Variants in CNTNAP2 observed in about 807,000 individuals in gnomAD.
The protein encoded by CNTNAP2 is contactin-associated protein-like 2.
Under a neutral mutation model 155.2 loss-of-function variants are expected in CNTNAP2, and 98 were observed. The observed-to-expected ratio is 0.63, with a 90% CI of 0.54 to 0.75. CNTNAP2 has a LOEUF of 0.75. Among genes scored for constraint, CNTNAP2 ranks in the 30% least tolerant of loss-of-function variants. The pLI, the probability that CNTNAP2 is intolerant of heterozygous loss-of-function variation, is 0.00. For missense variants in CNTNAP2, 1,727 were observed against 1,688.1 expected, an observed-to-expected ratio of 1.02 and a Z score of -0.40; for synonymous variants, 651 against 631.2, an observed-to-expected ratio of 1.03 and a Z score of -0.47.
intron 1 of CNTNAP2, among the ~76,000 whole-genome samples, chr7:146,174,306 TG>T (rs1798438778): frequency 6.6e-6 from 1 of 152,048 alleles, no homozygotes; most frequent in Non-Finnish European, 1.5e-5. Flanking sequence ...TCCACATTTT[TG>T]GGCTTAGTAA....
rs114062310 is a variant in CNTNAP2 at position 146,190,549 on chromosome 7, T to C, written c.97+73576T>C. Among the ~76,000 whole-genome samples the C allele has an allele frequency of 5.2e-3, 795 of 152,256 alleles. 6 individuals carry two copies. The highest frequency in any genetic ancestry group is 0.018 in the African/African-American group (752 of 41,548). Reference sequence around the variant, plus strand: ...CACATCCCTGTGGTACCAAAACCCTTTGGCAGGAGATATCATGGCTTCAAA... The same window carrying C: ...CACATCCCTGTGGTACCAAAACCCTCTGGCAGGAGATATCATGGCTTCAAA... On this transcript the variant is annotated intron_variant, in intron 1 of 23. Transcript: ENST00000361727.
chr7:146,528,289 G>A (rs1421125644), intron 1 of CNTNAP2, among the ~76,000 whole-genome samples: 1 of 152,144 alleles, frequency 6.6e-6, no homozygotes, highest in Non-Finnish European at 1.5e-5. Flanking sequence ...GAGCTCTGGA[G>A]GAAGCCTGTT....
intron 1 of CNTNAP2, among the ~76,000 whole-genome samples, chr7:146,437,906 C>A (rs1796266373): frequency 6.6e-6 from 1 of 150,984 alleles, no homozygotes; most frequent in African/African-American, 2.5e-5. Context: ...TGTTTTTGTC[C>A]CCTTTCTTAC....
chr7:146,767,160 T>A (rs1442304387), intron 1 of CNTNAP2, among the ~76,000 whole-genome samples: 1 of 152,166 alleles, frequency 6.6e-6, no homozygotes, highest in Admixed American at 6.6e-5. Context: ...GTAGACTCTA[T>A]GAGAAAATAA....
intron 10 of CNTNAP2, 96 bp downstream of exon 10, chr7:147,395,876 G>T: frequency 7.2e-7 from 1 of 1,387,520 alleles, no homozygotes. Context: ...GAAAATTAAA[G>T]TTAAAAACAG....
intron 20 of CNTNAP2, among the ~76,000 whole-genome samples, chr7:148,242,608 G>A (rs893988524): frequency 3.3e-5 from 5 of 152,218 alleles, no homozygotes; most frequent in African/African-American, 1.2e-4. Flanking sequence ...CCGCGATGGC[G>A]GTAGGACTTG....
At chr7:147,638,085 A>G (rs565019897) in intron 12 of CNTNAP2, among the ~76,000 whole-genome samples, 44 of 152,346 alleles carry the variant, frequency 2.9e-4, no homozygotes, top group African/African-American at 1.0e-3. Flanking sequence ...AATAAAATTA[A>G]GGATTTAAAT....
chr7:148,406,109 G>A (rs1466048643), intron 22 of CNTNAP2, among the ~76,000 whole-genome samples: 2 of 151,800 alleles, frequency 1.3e-5, no homozygotes, highest in Non-Finnish European at 2.9e-5. Flanking sequence ...GCGGGCGCCT[G>A]TAGTCCCAGC....
intron 1 of CNTNAP2, among the ~76,000 whole-genome samples, chr7:146,374,181 A>T (rs1244031033): frequency 6.6e-6 from 1 of 151,874 alleles, no homozygotes; most frequent in African/African-American, 2.4e-5. Context: ...TGTATATGTG[A>T]TTATGAAAAA....
chr7:146,832,288 G>T (rs868268362), intron 2 of CNTNAP2, among the ~76,000 whole-genome samples: 21 of 151,938 alleles, frequency 1.4e-4, no homozygotes, highest in African/African-American at 3.6e-4. Context: ...AAAATTCATG[G>T]TGTCATGTCT....
In CNTNAP2 at chr7:146,416,650, C is replaced by T. The variant is rs2129112393; in HGVS notation, c.97+299677C>T. 1.3e-5 allele frequency among the ~76,000 whole-genome samples: 2 copies of T among 152,228 alleles called. 1 individual carries two copies. The highest frequency in any genetic ancestry group is 4.1e-4 in the South Asian group (2 of 4,828). Reference sequence around the variant, plus strand: ...ACCCTTCCATTTAAAGCCATAAAATCATACAGAGGCAAAAGGACTTCTTGG... The same window carrying T: ...ACCCTTCCATTTAAAGCCATAAAATTATACAGAGGCAAAAGGACTTCTTGG... On this transcript the variant is annotated intron_variant, in intron 1 of 23. Coordinates refer to ENST00000361727, the MANE Select transcript of CNTNAP2 (RefSeq NM_014141.6).
intron 1 of CNTNAP2, among the ~76,000 whole-genome samples, chr7:146,669,762 G>A (rs962706214): frequency 5.7e-4 from 86 of 152,210 alleles, no homozygotes; most frequent in African/African-American, 2.0e-3. Context: ...AGAGGTTAAG[G>A]AAATTTGATG....
chr7:146,553,736 A>C (rs1352345020), intron 1 of CNTNAP2, among the ~76,000 whole-genome samples: 1 of 152,126 alleles, frequency 6.6e-6, no homozygotes, highest in African/African-American at 2.4e-5. Context: ...CATAGTGAAC[A>C]TTTCAATGGA....
intron 17 of CNTNAP2, among the ~76,000 whole-genome samples, chr7:148,155,176 C>T (rs1268675507): frequency 6.6e-6 from 1 of 152,140 alleles, no homozygotes; most frequent in Non-Finnish European, 1.5e-5. Context: ...AGTTGACTTA[C>T]CGAAGGTCGT....
chr7:147,415,022 A>G (rs1797169683), intron 10 of CNTNAP2, among the ~76,000 whole-genome samples: 1 of 151,994 alleles, frequency 6.6e-6, no homozygotes, highest in Non-Finnish European at 1.5e-5. Context: ...CAGAACCCAA[A>G]GAGGGCAAGA....
intron 12 of CNTNAP2, among the ~76,000 whole-genome samples, chr7:147,575,373 TG>T (rs1563004526): frequency 2.2e-5 from 1 of 45,710 alleles, no homozygotes; most frequent in Non-Finnish European, 4.1e-5. Context: ...GCTTTAGGGG[TG>T]TGTGTGTGTG....
chr7:147,950,738 C>G (rs930721626), intron 14 of CNTNAP2, among the ~76,000 whole-genome samples: 1 of 152,162 alleles, frequency 6.6e-6, no homozygotes. Context: ...ATAGCAGATA[C>G]AAGAAGAGCA....
chr7:147,921,911 G>T (rs191463232), intron 14 of CNTNAP2, among the ~76,000 whole-genome samples: 2 of 152,282 alleles, frequency 1.3e-5, no homozygotes, highest in East Asian at 3.9e-4. Context: ...ATTCAATGGT[G>T]AGTAACGCTG....
chr7:147,328,312 C>T (rs1052123520), intron 9 of CNTNAP2, among the ~76,000 whole-genome samples: 1 of 152,166 alleles, frequency 6.6e-6, no homozygotes, highest in African/African-American at 2.4e-5. Flanking sequence ...ATCAGTGATA[C>T]AAATTTTAAC....
Sources: allele counts gnomAD v4.1 joint callset (sites outside exome capture counted in the v4.1 genomes callset), GRCh38; gene constraint gnomAD v4.1.1; transcripts MANE v1.5; gene names NCBI Gene and HGNC (gene_info 2026-07-23, HGNC 2026-07-21).